The following TRMT2B variants were observed in gnomAD, a reference collection of about 807,000 sequenced individuals.
TRMT2B encodes the protein tRNA methyltransferase 2B.
A neutral mutation model predicts 39.7 loss-of-function variants in TRMT2B; 34 were observed. The observed-to-expected ratio is 0.86, with a 90% CI of 0.65 to 1.14. The LOEUF (loss-of-function observed/expected upper bound fraction) is 1.14. TRMT2B is among the 50% of genes most tolerant of loss of function. TRMT2B has a pLI of 0.00. For synonymous variants in TRMT2B, 132 were observed against 137.3 expected, an observed-to-expected ratio of 0.96 and a Z score of 0.27; for missense variants, 318 against 377.2, an observed-to-expected ratio of 0.84 and a Z score of 1.30.
chrX:101,023,414 C>T, intron 8 of TRMT2B, 56 bp downstream of exon 8: 1 of 1,154,506 alleles, frequency 8.7e-7, no homozygotes. Flanking sequence ...AAACCAATTA[C>T]AGTTATAGTT....
chrX:101,037,150 G>C (rs1033724172), intron 5 of TRMT2B, 77 bp from the exon 6 acceptor site: 17 of 803,492 alleles, frequency 2.1e-5, no homozygotes, highest in Non-Finnish European at 2.8e-5. Context: ...GGGAAAGCAG[G>C]AATGTTCTCT....
chrX:100,975,571 G>C, the TRMT2B span, among the ~76,000 whole-genome samples: 1 of 110,329 alleles, frequency 9.1e-6, no homozygotes, highest in Non-Finnish European at 1.9e-5. Context: ...AATATTCATG[G>C]AATGGATGTT....
intron 9 of TRMT2B, 42 bp from the exon 10 acceptor site, chrX:101,021,357 G>A (rs376784595): frequency 1.2e-5 from 13 of 1,112,263 alleles, no homozygotes; most frequent in South Asian, 6.1e-5. Context: ...AGCTGTGAGC[G>A]GTGGCTCACG....
chrX:101,024,776 G>A (rs143513911), intron 7 of TRMT2B, among the ~76,000 whole-genome samples: 118 of 110,387 alleles, frequency 1.1e-3, no homozygotes, highest in African/African-American at 3.7e-3. Flanking sequence ...AGCCAAGATC[G>A]CACCACTGCA....
In TRMT2B at chrX:101,012,213, T is replaced by G. The variant is rs185037911; in HGVS notation, c.1389-1506A>C. ...ACCTACTGACAGCACAGTAAGTTTG[T>G]TTACACCAGCATGACCACAAACATG... On this transcript the variant is annotated intron_variant, in intron 13 of 13. Coordinates refer to ENST00000372936, the MANE Select transcript of TRMT2B (RefSeq NM_024917.6). Among the ~76,000 whole-genome samples, 171 of 110,552 alleles carry G rather than the reference T, an allele frequency of 1.5e-3. 1 individual carries two copies. Among genetic ancestry groups the G allele is most frequent in the African/African-American group, 5.3e-3 (161 of 30,504 alleles).
chrX:101,051,377 C>G lies in TRMT2B; in HGVS notation c.-150G>C, dbSNP rs1440056341. The G allele has an allele frequency of 8.0e-6, 6 of 752,562 alleles. No homozygotes were observed. The highest frequency in any genetic ancestry group is 1.6e-6 in the Non-Finnish European group (1 of 639,135). 62.0% of individuals were successfully genotyped at this position (752,562 alleles called of 1,213,427 possible). A position where few individuals can be genotyped will look rare whatever the true frequency, so the allele number is the denominator to read the frequency against. On this transcript the variant is annotated 5_prime_UTR_variant, in exon 2 of 14. Coordinates refer to ENST00000372936, the MANE Select transcript of TRMT2B (RefSeq NM_024917.6). ...AGACACTATTCCTTGCTAAACCAAA[C>G]AAGCAAATGGGTTGACTGCTGTGTC... is the stretch of plus-strand genomic sequence containing the variant.
At chrX:101,011,309 ATACTG>A (rs1248175827) in intron 13 of TRMT2B, among the ~76,000 whole-genome samples, 1 of 112,188 alleles carries the variant, frequency 8.9e-6, no homozygotes, top group African/African-American at 3.2e-5. Flanking sequence ...ACTGTACTGA[ATACTG>A]TAGACAACTG....
At chrX:101,005,375 G>A (rs1275820535), downstream of TRMT2B, among the ~76,000 whole-genome samples, 1 of 110,202 alleles carries the variant, frequency 9.1e-6, no homozygotes, top group Non-Finnish European at 1.9e-5. Context: ...CCTGGGCTGT[G>A]ACAGAGCAAG....
At chrX:101,039,403 CAG>C (rs1873052010) in intron 4 of TRMT2B, among the ~76,000 whole-genome samples, 1 of 112,067 alleles carries the variant, frequency 8.9e-6, no homozygotes, top group Admixed American at 9.6e-5. Context: ...AATTAATTTA[CAG>C]AGTCAGCCCT....
At chrX:101,020,093 T>C in intron 11 of TRMT2B, among the ~76,000 whole-genome samples, 1 of 111,780 alleles carries the variant, frequency 8.9e-6, no homozygotes. Flanking sequence ...ATTTTCTATA[T>C]TGCAGTTTGA....
chrX:101,025,094 C>T (rs957637057), intron 7 of TRMT2B, among the ~76,000 whole-genome samples: 2 of 111,196 alleles, frequency 1.8e-5, no homozygotes, highest in African/African-American at 6.5e-5. Context: ...TTTCCTTAGT[C>T]TGACATATGT....
At chrX:100,973,542 T>C in the TRMT2B span, 1 of 920,345 alleles carries the variant, frequency 1.1e-6, no homozygotes, top group African/African-American at 2.0e-5. Flanking sequence ...CACAGTTGGA[T>C]AGAATGAAGT....
At chrX:101,046,612 G>C (rs1483221788) in intron 2 of TRMT2B, among the ~76,000 whole-genome samples, 2 of 110,878 alleles carry the variant, frequency 1.8e-5, no homozygotes, top group African/African-American at 6.5e-5. Context: ...GTGGTTGTAA[G>C]AGTTGAAGAT....
At chrX:100,976,292 C>G in the TRMT2B span, among the ~76,000 whole-genome samples, 1 of 110,254 alleles carries the variant, frequency 9.1e-6, no homozygotes, top group Non-Finnish European at 1.9e-5. Context: ...CCTGGAATTA[C>G]CAGTATGCTA....
At chrX:100,982,675 T>G in the TRMT2B span, among the ~76,000 whole-genome samples, 2 of 93,563 alleles carry the variant, frequency 2.1e-5, no homozygotes, top group Admixed American at 1.3e-4. Flanking sequence ...TGAGACAGAG[T>G]CTCACTCTGT....
downstream of TRMT2B, among the ~76,000 whole-genome samples, chrX:101,004,797 G>A (rs1053396001): frequency 1.8e-5 from 2 of 111,449 alleles, no homozygotes; most frequent in African/African-American, 3.3e-5. Flanking sequence ...AACCGTGCCC[G>A]GCCATCAAAA....
At chrX:100,973,433 G>A in the TRMT2B span, among the ~76,000 whole-genome samples, 3 of 106,412 alleles carry the variant, frequency 2.8e-5, no homozygotes, top group Admixed American at 2.0e-4. Flanking sequence ...GGCGGCGCTC[G>A]CCGGCGCGGC....
chrX:100,979,743 G>A, the TRMT2B span, among the ~76,000 whole-genome samples: 658 of 111,527 alleles, frequency 5.9e-3, 1 homozygote, highest in South Asian at 0.03. Flanking sequence ...TTCTTGAGAA[G>A]GACTCAAAGG....
chrX:101,029,767 A>G (rs1381589897), intron 7 of TRMT2B, among the ~76,000 whole-genome samples: 1 of 111,839 alleles, frequency 8.9e-6, no homozygotes, highest in African/African-American at 3.2e-5. Flanking sequence ...AGCAGAGTGA[A>G]GTGACAAGTG....
Sources: gnomAD v4.1 joint callset for allele counts (sites outside exome capture counted in the v4.1 genomes callset) on GRCh38, gnomAD v4.1.1 for gene constraint, MANE v1.5 for transcripts, NCBI Gene and HGNC (gene_info 2026-07-23, HGNC 2026-07-21) for gene names.